ZNF121: variants seen among roughly 807,000 people sequenced by gnomAD.
ZNF121 encodes the protein zinc finger protein 121 (clone ZHC32).
In ZNF121, 1 loss-of-function variant was observed where a neutral mutation model predicts 2.4. That is an observed-to-expected ratio of 0.41 (90% CI 0.15 to 1.94). The LOEUF (loss-of-function observed/expected upper bound fraction) is 1.94, where lower values mean the gene tolerates loss of function less well. Ranked by LOEUF, ZNF121 falls within the 30% of genes most tolerant of loss-of-function variation. The pLI is 0.30. For missense variants in ZNF121, 369 were observed against 466.3 expected, an observed-to-expected ratio of 0.79 and a Z score of 1.92; for synonymous variants, 173 against 158.6, an observed-to-expected ratio of 1.09 and a Z score of -0.68.
rs1348605444 is a variant in ZNF121 at position 9,564,837 on chromosome 19, A to G, written c.*1103T>C. ...TTTTCATGTAATGAAGAGTCAATCA[A>G]TGCAGCAATCTTCACTGCTGTCTTA... On this transcript the variant is annotated 3_prime_UTR_variant, in exon 4 of 4. Coordinates refer to ENST00000320451, the MANE Select transcript of ZNF121 (RefSeq NM_001008727.5). 1 of 152,336 alleles carries G rather than the reference A, an allele frequency of 6.6e-6. No individual in the cohort carries two copies. The highest frequency in any genetic ancestry group is 2.4e-5 in the African/African-American group (1 of 41,470). The allele number at this position is 152,336 out of a possible 1,614,324, so 9.4% of individuals were successfully genotyped here.
intron 1 of ZNF121, among the ~76,000 whole-genome samples, chr19:9,574,634 T>C (rs553908475): frequency 1.3e-5 from 2 of 152,310 alleles, no homozygotes; most frequent in Non-Finnish European, 2.9e-5. Flanking sequence ...TTGATTGGCT[T>C]AGAACTTTTT....
intron 1 of ZNF121, among the ~76,000 whole-genome samples, chr19:9,576,710 A>G (rs969721964): frequency 6.6e-6 from 1 of 152,166 alleles, no homozygotes. Context: ...GATAAACAAA[A>G]TCAACCAACC....
intron 1 of ZNF121, among the ~76,000 whole-genome samples, chr19:9,581,378 A>ATT (rs35584376): frequency 1.1e-4 from 16 of 151,716 alleles, no homozygotes; most frequent in African/African-American, 3.4e-4. Context: ...GAAACACCTG[A>ATT]TTTTTTTTAG....
chr19:9,581,070 A>T (rs138245724), intron 1 of ZNF121, among the ~76,000 whole-genome samples: 1,573 of 152,336 alleles, frequency 0.01, 14 homozygotes, highest in Non-Finnish European at 0.015. Flanking sequence ...CATGAAATAA[A>T]GGAATATTTA....
intron 1 of ZNF121, chr19:9,584,253 A>G (rs1362259304): frequency 6.6e-6 from 1 of 152,238 alleles, no homozygotes; most frequent in Non-Finnish European, 1.5e-5. Context: ...AAACGCGCGG[A>G]GTCGGGACAA....
chr19:9,577,814 C>T (rs1294465745), intron 1 of ZNF121, among the ~76,000 whole-genome samples: 7 of 151,878 alleles, frequency 4.6e-5, no homozygotes, highest in East Asian at 1.9e-4. Flanking sequence ...TTTGGGAGGC[C>T]GAGGCAGGTG....
intron 1 of ZNF121, among the ~76,000 whole-genome samples, chr19:9,581,373 A>C (rs2074247256): frequency 6.9e-6 from 1 of 143,956 alleles, no homozygotes; most frequent in East Asian, 1.9e-4. Flanking sequence ...TTGGTGAAAC[A>C]CCTGATTTTT....
intron 3 of ZNF121, 146 bp from the exon 4 acceptor site, chr19:9,567,255 C>A (rs2144806574): frequency 5.7e-6 from 4 of 700,874 alleles, no homozygotes; most frequent in Non-Finnish European, 9.1e-6. Context: ...GTATTTCTTA[C>A]AAGTTGAATG....
At chr19:9,581,341 G>A (rs1003607815) in intron 1 of ZNF121, among the ~76,000 whole-genome samples, 6 of 151,818 alleles carry the variant, frequency 4.0e-5, no homozygotes, top group Admixed American at 3.3e-4. Context: ...GGGTCAGGTC[G>A]TACAATCTAA....
At chr19:9,573,274 A>G (rs138111254) in intron 1 of ZNF121, among the ~76,000 whole-genome samples, 14 of 152,312 alleles carry the variant, frequency 9.2e-5, no homozygotes, top group African/African-American at 3.1e-4. Flanking sequence ...CCAAAATAAC[A>G]CAGAAGAGCA....
chr19:9,570,026 G>T (rs191346703), intron 1 of ZNF121, among the ~76,000 whole-genome samples: 3 of 150,458 alleles, frequency 2.0e-5, no homozygotes, highest in Admixed American at 6.6e-5. Context: ...AACCTCTGCC[G>T]CCGCCCACCC....
Position 9,577,374 on chromosome 19 carries a change from C to T in ZNF121, c.-160+7087G>A, listed in dbSNP as rs557082722. On this transcript the variant is annotated intron_variant, in intron 1 of 3. Transcript: ENST00000320451. Reference sequence around the variant, plus strand: ...CTGAGGCAGGAGAATCACTTGAACCCGGGAGGCGGAGGTTGCCGTGAGCCA... The same window carrying T: ...CTGAGGCAGGAGAATCACTTGAACCTGGGAGGCGGAGGTTGCCGTGAGCCA... Among the ~76,000 whole-genome samples the T allele has an allele frequency of 2.6e-4, 40 of 151,870 alleles. 1 individual carries two copies. The East Asian group carries it at 5.2e-3, about 20-fold the overall frequency.
At chr19:9,582,766 A>C (rs1233487854) in intron 1 of ZNF121, among the ~76,000 whole-genome samples, 1 of 151,742 alleles carries the variant, frequency 6.6e-6, no homozygotes, top group Non-Finnish European at 1.5e-5. Context: ...AAAAAAAAAA[A>C]ACTACTAGAC....
At chr19:9,582,954 G>C (rs1011084609) in intron 1 of ZNF121, among the ~76,000 whole-genome samples, 2 of 71,408 alleles carry the variant, frequency 2.8e-5, no homozygotes, top group Non-Finnish European at 5.1e-5. Context: ...GGAGGCTCAC[G>C]CCTGTAATCC....
At chr19:9,580,640 G>A (rs866949310) in intron 1 of ZNF121, among the ~76,000 whole-genome samples, 1 of 152,338 alleles carries the variant, frequency 6.6e-6, no homozygotes, top group South Asian at 2.1e-4. Flanking sequence ...AAGGATTCTA[G>A]TTTCAACTGT....
chr19:9,572,771 G>A (rs1342079856), intron 1 of ZNF121, among the ~76,000 whole-genome samples: 1 of 152,188 alleles, frequency 6.6e-6, no homozygotes, highest in African/African-American at 2.4e-5. Context: ...AAATTTTAAA[G>A]AAAGAAAATC....
chr19:9,571,613 C>T (rs528182194), intron 1 of ZNF121, among the ~76,000 whole-genome samples: 1 of 152,252 alleles, frequency 6.6e-6, no homozygotes, highest in African/African-American at 2.4e-5. Flanking sequence ...CATAACATTG[C>T]CCCTAGAATG....
At chr19:9,577,542 T>G (rs2074219603) in intron 1 of ZNF121, among the ~76,000 whole-genome samples, 2 of 151,880 alleles carry the variant, frequency 1.3e-5, no homozygotes, top group African/African-American at 4.8e-5. Flanking sequence ...TGAAACAAAC[T>G]GTAGAGGATA....
At position 9,565,353 on chromosome 19, in the gene ZNF121, CAAAAAAAA is replaced by C. The variant is rs71185609; in HGVS notation, c.*579_*586del. The C allele has an allele frequency of 1.0e-3, 31 of 29,860 alleles. No individual in the cohort carries two copies. Among genetic ancestry groups the C allele is most frequent in the Non-Finnish European group, 1.5e-3 (22 of 14,890 alleles). 1.8% of individuals were successfully genotyped at this position (29,860 alleles called of 1,614,324 possible). ...AAGAATGTGTATTAACAACGACTTACAAAAAAAAAAAAAAAAAAAAAAAAAAAAAAAAA... is the reference window on the plus strand; with the variant it reads ...AAGAATGTGTATTAACAACGACTTACAAAAAAAAAAAAAAAAAAAAAAAAA... On this transcript the variant is annotated 3_prime_UTR_variant, in exon 4 of 4. Transcript: ENST00000320451.
Sources: allele counts gnomAD v4.1 joint callset (sites outside exome capture counted in the v4.1 genomes callset), GRCh38; gene constraint gnomAD v4.1.1; transcripts MANE v1.5; gene names NCBI Gene and HGNC (gene_info 2026-07-23, HGNC 2026-07-21).